The following CETP variants were observed in gnomAD, a reference collection of about 807,000 sequenced individuals.
CETP encodes the protein BPI fold containing family F.
Under a neutral mutation model 66.5 loss-of-function variants are expected in CETP, and 56 were observed. The observed-to-expected ratio is 0.84, with a 90% CI of 0.68 to 1.05. CETP has a LOEUF of 1.05. Ranked by LOEUF, CETP falls within the 50% of genes least tolerant of loss-of-function variation. The pLI, the probability that CETP is intolerant of heterozygous loss-of-function variation, is 0.00. For missense variants in CETP, 612 were observed against 609.6 expected, an observed-to-expected ratio of 1.00 and a Z score of -0.04; for synonymous variants, 251 against 245.7, an observed-to-expected ratio of 1.02 and a Z score of -0.20.
intron 15 of CETP, 79 bp from the exon 16 acceptor site, chr16:56,983,513 C>T (rs781235224): frequency 1.7e-5 from 27 of 1,588,832 alleles, no homozygotes; most frequent in African/African-American, 1.2e-4. Context: ...GACAGAGGGG[C>T]CTCTACCAGC....
intron 9 of CETP, among the ~76,000 whole-genome samples, 193 bp from the exon 10 acceptor site, chr16:56,974,908 G>T (rs2056138675): frequency 6.6e-6 from 1 of 152,214 alleles, no homozygotes; most frequent in East Asian, 1.9e-4. Context: ...GGGAGCAGAA[G>T]CCAGGCCTCC....
In CETP at chr16:56,983,319, G is replaced by T; in HGVS notation, c.1322-7G>T. 5 of 1,614,100 alleles carry T rather than the reference G, an allele frequency of 3.1e-6. No individual in the cohort carries two copies. The highest frequency in any genetic ancestry group is 4.2e-6 in the Non-Finnish European group (5 of 1,179,942). ...AGGGCTGACTGGGGCTCTGTCCCCT[G>T]CCCCAGGGCTCGAGGTAGTGTTTAC... On this transcript the variant is annotated splice_polypyrimidine_tract_variant and splice_region_variant and intron_variant, in intron 14 of 15. Transcript: ENST00000200676.
At position 56,972,160 on chromosome 16, in the gene CETP, G is replaced by A. The variant is rs12720873; in HGVS notation, c.750+77G>A. ...TCCTTTTTTGTGCTCTGACAACCCC[G>A]TCCCCCAGCTTCAACCTTATGGCAG... On this transcript the variant is annotated intron_variant, in intron 8 of 15. Transcript: ENST00000200676. The A allele has an allele frequency of 0.022, 24,451 of 1,097,662 alleles. 403 individuals carry two copies. The highest frequency in any genetic ancestry group is 0.028 in the Non-Finnish European group (20,499 of 725,174). 68.0% of individuals were successfully genotyped at this position (1,097,662 alleles called of 1,614,324 possible).
chr16:56,968,435 C>G (rs1359915455), intron 2 of CETP, among the ~76,000 whole-genome samples: 1 of 152,184 alleles, frequency 6.6e-6, no homozygotes, highest in Non-Finnish European at 1.5e-5. Context: ...GATCTGCCCT[C>G]CTCGGCCTCC....
rs186780244 is a variant in CETP, at chr16:56,974,772, C to G, written c.931-329C>G. On this transcript the variant is annotated intron_variant, in intron 9 of 15. Transcript: ENST00000200676. The stretch of plus-strand genomic sequence containing the variant: ...TGGCCCCAAAGCCTGTACTCTTCAC[C>G]TATACTGTACTAGAAATGCTTAGGT... Among the ~76,000 whole-genome samples, 21 of 152,308 alleles carry G rather than the reference C, an allele frequency of 1.4e-4. No homozygotes were observed. In the South Asian group the frequency reaches 4.1e-3, roughly 30 times the overall value.
At chr16:56,980,550 T>C (rs1319296894) in intron 11 of CETP, among the ~76,000 whole-genome samples, 1 of 152,266 alleles carries the variant, frequency 6.6e-6, no homozygotes, top group Non-Finnish European at 1.5e-5. Context: ...TTTGGCTTTC[T>C]CATGTGGATG....
chr16:56,968,286 G>C (rs1342471902), intron 2 of CETP, among the ~76,000 whole-genome samples: 1 of 151,972 alleles, frequency 6.6e-6, no homozygotes, highest in Non-Finnish European at 1.5e-5. Flanking sequence ...CGTGGGTTCA[G>C]GCTATTCTCC....
chr16:56,970,253 C>T (rs1596999542), intron 5 of CETP, among the ~76,000 whole-genome samples: 1 of 152,302 alleles, frequency 6.6e-6, no homozygotes, highest in African/African-American at 2.4e-5. Context: ...CTATTCCAAG[C>T]CCTTTTCATG....
intron 5 of CETP, among the ~76,000 whole-genome samples, chr16:56,970,750 C>T (rs12720860): frequency 0.026 from 3,971 of 152,232 alleles, 189 homozygotes; most frequent in African/African-American, 0.09. Context: ...CTGGAGCAGA[C>T]GGATACATGT....
intron 1 of CETP, chr16:56,962,361 G>C (rs774033659): frequency 2.9e-6 from 2 of 693,198 alleles, no homozygotes; most frequent in Non-Finnish European, 5.4e-6. Context: ...CTGAGACCCA[G>C]AATCACTGGG....
Position 56,981,165 on chromosome 16 carries a change from T to A in CETP, c.1154T>A (p.Val385Glu), listed in dbSNP as rs1280460587. ...TTTGGTTTCTCTCCCCAGGATATCG[T>A]GACTACCGTCCAGGCCTCCTATTCT... is the stretch of plus-strand genomic sequence containing the variant. ...SVAYTFEEDI[V>E]TTVQASYSKK... Residue 385 changes from valine to glutamate, a missense_variant, in exon 12 of 16, where the codon GTG becomes GAG. Physicochemically the swap from Val to Glu is moderately radical, Grantham distance 121. Coordinates refer to ENST00000200676, the MANE Select transcript of CETP (RefSeq NM_000078.3). 6.2e-7 allele frequency: 1 copy of A among 1,613,226 alleles called. No individual in the cohort carries two copies. Among genetic ancestry groups the A allele is most frequent in the Admixed American group, 1.7e-5 (1 of 60,006 alleles).
At chr16:56,962,716 C>T (rs748833693) in intron 1 of CETP, among the ~76,000 whole-genome samples, 4 of 142,076 alleles carry the variant, frequency 2.8e-5, no homozygotes, top group East Asian at 2.1e-4. Flanking sequence ...GGTTAGTGTG[C>T]GGCTGGGCTC....
Position 56,975,073 on chromosome 16 carries a change from AC to A in CETP, c.931-25del, listed in dbSNP as rs758233908. 2.5e-6 allele frequency: 4 copies of A among 1,612,406 alleles called. No homozygotes were observed. In the African/African-American group the frequency reaches 5.3e-5, roughly 22 times the overall value. The stretch of plus-strand genomic sequence containing the variant: ...CTGAGGAGTGGACTTTACTCCACCC[AC>A]CCTCCAACTTCCTCATTTCTTTTCA... On this transcript the variant is annotated intron_variant, in intron 9 of 15. Coordinates refer to ENST00000200676, the MANE Select transcript of CETP (RefSeq NM_000078.3).
intron 13 of CETP, among the ~76,000 whole-genome samples, 192 bp from the exon 14 acceptor site, chr16:56,981,973 C>G (rs958913558): frequency 1.3e-5 from 2 of 152,194 alleles, no homozygotes; most frequent in Non-Finnish European, 2.9e-5. Context: ...GGCTAGCAAT[C>G]CTGGGCCTCC....
rs1003492329 is a variant in CETP, at chr16:56,977,095, G to A, written c.982-996G>A. The stretch of plus-strand genomic sequence containing the variant: ...AGCTCATTTTTTTGTATTTTTAGTA[G>A]AGACGGGGTTTCACCATGTTGGCCA... On this transcript the variant is annotated intron_variant, in intron 10 of 15. Transcript: ENST00000200676. Among the ~76,000 whole-genome samples, 7 of 152,026 alleles carry A rather than the reference G, an allele frequency of 4.6e-5. No individual in the cohort carries two copies. In the South Asian group the frequency reaches 1.2e-3, roughly 27 times the overall value.
Position 56,971,503 on chromosome 16 carries a change from C to T in CETP, c.658+122C>T, listed in dbSNP as rs112561070. The T allele has an allele frequency of 7.1e-5, 63 of 888,032 alleles. No individual in the cohort carries two copies. The Middle Eastern group carries it at 1.9e-3, about 27-fold the overall frequency. The allele number at this position is 888,032 out of a possible 1,614,324, so 55.0% of individuals were successfully genotyped here. A position where few individuals can be genotyped will look rare whatever the true frequency, so the allele number is the denominator to read the frequency against. On this transcript the variant is annotated intron_variant, in intron 7 of 15. Transcript: ENST00000200676. ...TCTAGGTCCCATGGGCTCTATCTGG[C>T]TCTGACACTTGATGATTAGTTATGA...
intron 10 of CETP, 110 bp from the exon 11 acceptor site, chr16:56,977,981 C>A: frequency 7.3e-7 from 1 of 1,370,470 alleles, no homozygotes; most frequent in Non-Finnish European, 1.0e-6. Flanking sequence ...ACTTCCTTTT[C>A]CCCAGCCCTG....
chr16:56,977,818 G>A (rs1366644081), intron 10 of CETP, among the ~76,000 whole-genome samples: 2 of 152,100 alleles, frequency 1.3e-5, no homozygotes, highest in African/African-American at 2.4e-5. Context: ...GGAAAGTGAG[G>A]CCCAGAAGGC....
chr16:56,964,968 C>T (rs1168476599), intron 2 of CETP, among the ~76,000 whole-genome samples: 2 of 152,176 alleles, frequency 1.3e-5, no homozygotes, highest in African/African-American at 4.8e-5. Flanking sequence ...TAAAAATTAG[C>T]TGGGCATGGT....
Sources: gnomAD v4.1 joint callset for allele counts (sites outside exome capture counted in the v4.1 genomes callset) on GRCh38, gnomAD v4.1.1 for gene constraint, MANE v1.5 for transcripts, NCBI Gene and HGNC (gene_info 2026-07-23, HGNC 2026-07-21) for gene names.